Variants in CARHSP1 observed in about 807,000 individuals in gnomAD.
CARHSP1 encodes the protein calcium-regulated heat-stable protein 1.
In CARHSP1, 14 loss-of-function variants were observed where a neutral mutation model predicts 12.5. That is an observed-to-expected ratio of 1.12 (90% CI 0.74 to 1.75). The LOEUF (loss-of-function observed/expected upper bound fraction) is 1.75, where lower values mean the gene tolerates loss of function less well. Ranked by LOEUF, CARHSP1 falls within the 40% of genes most tolerant of loss-of-function variation. The pLI is 0.00. For synonymous variants in CARHSP1, 161 were observed against 82.0 expected, an observed-to-expected ratio of 1.96 and a Z score of -5.20; for missense variants, 343 against 201.6, an observed-to-expected ratio of 1.70 and a Z score of -4.25.
At chr16:8,859,599 CTG>C (rs1331221096) in intron 1 of CARHSP1, among the ~76,000 whole-genome samples, 2 of 151,922 alleles carry the variant, frequency 1.3e-5, no homozygotes, top group South Asian at 2.1e-4. Flanking sequence ...TCGGTCCCCT[CTG>C]TGTCCCCAGC....
rs749148207 is a variant in CARHSP1 at position 8,855,272 on chromosome 16, G to A, written c.336C>T (p.Cys112=). 4.0e-5 allele frequency: 64 copies of A among 1,612,878 alleles called. No homozygotes were observed. The highest frequency in any genetic ancestry group is 8.3e-5 in the Admixed American group (5 of 59,904). The change falls in exon 4 of 4, where the codon TGC becomes TGT. Residue 112 remains cysteine (C), a synonymous_variant. Coordinates refer to ENST00000311052, the MANE Select transcript of CARHSP1 (RefSeq NM_014316.4). ...VEGDEVTYKM[C]SIPPKNEKLQ... Reference sequence around the variant, plus strand: ...GCTTCTCATTCTTGGGTGGGATGGAGCACATTTTATAGGTGACCTCGTCGC... The same window carrying A: ...GCTTCTCATTCTTGGGTGGGATGGAACACATTTTATAGGTGACCTCGTCGC...
intron 3 of CARHSP1, 73 bp from the exon 4 acceptor site, chr16:8,855,399 CTTCTGGTCACACAGCCACCA>C (rs1225253506): frequency 8.3e-6 from 11 of 1,328,708 alleles, no homozygotes; most frequent in Non-Finnish European, 1.1e-5. Flanking sequence ...ACCAGCCACC[CTTCTGGTCACACAGCCACCA>C]AAGCAGGCAC....
chr16:8,855,128 C>G lies in CARHSP1; in HGVS notation c.*36G>C, dbSNP rs2061054889. The G allele has an allele frequency of 6.8e-7, 1 of 1,479,106 alleles. No homozygotes were observed. Among genetic ancestry groups the G allele is most frequent in the African/African-American group, 1.4e-5 (1 of 70,250 alleles). 91.6% of individuals were successfully genotyped at this position (1,479,106 alleles called of 1,614,324 possible). On this transcript the variant is annotated 3_prime_UTR_variant, in exon 4 of 4. Transcript: ENST00000311052. ...TGCTGCCTCCTCCCTGCAAAGTCTCCCACAAGCACAGGACAAGGGGTGCTT... is the reference window on the plus strand; with the variant it reads ...TGCTGCCTCCTCCCTGCAAAGTCTCGCACAAGCACAGGACAAGGGGTGCTT...
intron 1 of CARHSP1, among the ~76,000 whole-genome samples, chr16:8,862,729 A>G (rs951204150): frequency 1.3e-5 from 2 of 152,146 alleles, no homozygotes; most frequent in Non-Finnish European, 2.9e-5. Context: ...CAGTGGGGAA[A>G]CCATGTGATG....
At chr16:8,867,129 G>A (rs1057260785) in intron 1 of CARHSP1, 1 of 152,426 alleles carries the variant, frequency 6.6e-6, no homozygotes, top group African/African-American at 2.4e-5. Context: ...CCAGTTCTCA[G>A]CCTGGACTGC....
At position 8,859,184 on chromosome 16, in the gene CARHSP1, T is replaced by C; in HGVS notation, c.145A>G (p.Arg49Gly). The change falls in exon 2 of 4, where the codon AGG becomes GGG. Residue 49 changes from arginine (R) to glycine (G), a missense_variant. Arg to Gly is a moderately radical substitution (Grantham distance 125, BLOSUM62 -2). Coordinates refer to ENST00000311052, the MANE Select transcript of CARHSP1 (RefSeq NM_014316.4). Reference protein sequence around the residue: ...VPSPLPTRRTRTFSATVRASQ... With the variant: ...VPSPLPTRRTGTFSATVRASQ... The stretch of plus-strand genomic sequence containing the variant: ...CTCCAGACTCACGCCGAGAAGGTCC[T>C]CGTCCGGCGAGTGGGCAGTGGGCTT... 1 of 1,600,992 alleles carries C rather than the reference T, an allele frequency of 6.2e-7. No homozygotes were observed. Among genetic ancestry groups the C allele is most frequent in the East Asian group, 2.2e-5 (1 of 44,544 alleles).
intron 1 of CARHSP1, chr16:8,860,529 G>A (rs886193548): frequency 5.1e-6 from 5 of 985,252 alleles, no homozygotes; most frequent in South Asian, 4.7e-5. Context: ...GCAGTCAGAG[G>A]CCCTTGGGTA....
In CARHSP1 at chr16:8,857,759, ATTTT is replaced by A. The variant is rs71155409; in HGVS notation, c.281+587_281+590del. 28 of 116,456 alleles carry A rather than the reference ATTTT, an allele frequency of 2.4e-4. No individual in the cohort carries two copies. The South Asian group carries it at 2.7e-3, about 11-fold the overall frequency. The allele number at this position is 116,456 out of a possible 1,614,324, so 7.2% of individuals were successfully genotyped here. A position where few individuals can be genotyped will look rare whatever the true frequency, so the allele number is the denominator to read the frequency against. On this transcript the variant is annotated intron_variant, in intron 3 of 3. Transcript: ENST00000311052. ...CACCTGTCACCACGCCCTGCTCATT[ATTTT>A]TTTTTTTTTTTTTTTGAGATGGAGT...
chr16:8,860,725 T>TA (rs2061327922), intron 1 of CARHSP1, among the ~76,000 whole-genome samples: 1 of 152,096 alleles, frequency 6.6e-6, no homozygotes, highest in Non-Finnish European at 1.5e-5. Context: ...TGGATCGGTT[T>TA]GACTCAGGTC....
In CARHSP1 at chr16:8,854,247, T is replaced by G. The variant is rs2061026347; in HGVS notation, c.*917A>C. The G allele has an allele frequency of 1.3e-5, 2 of 152,208 alleles. No individual in the cohort carries two copies. Among genetic ancestry groups the G allele is most frequent in the Non-Finnish European group, 2.9e-5 (2 of 68,038 alleles). 9.4% of individuals were successfully genotyped at this position (152,208 alleles called of 1,614,324 possible). On this transcript the variant is annotated 3_prime_UTR_variant, in exon 4 of 4. Transcript: ENST00000311052. ...TCCAAAGGTATGTTTCTCCTTCAAC[T>G]TTCTTGACTTTGCCAGGCTGTCAGG...
In CARHSP1 at chr16:8,859,236, T is replaced by C; in HGVS notation, c.93A>G (p.Pro31=). 1 of 1,598,222 alleles carries C rather than the reference T, an allele frequency of 6.3e-7. No homozygotes were observed. Among genetic ancestry groups the C allele is most frequent in the South Asian group, 1.1e-5 (1 of 89,006 alleles). ...LDTPRSRERS[P]SPLRGNVVPS... ...GGACCACGTTGCCCCGCAGAGGGGA[T>C]GGTGAGCGCTCACGGCTCCGAGGGG... Residue 31 remains proline, a synonymous_variant, in exon 2 of 4, where the codon CCA becomes CCG. Coordinates refer to ENST00000311052, the MANE Select transcript of CARHSP1 (RefSeq NM_014316.4).
intron 1 of CARHSP1, chr16:8,860,482 C>T (rs2061317583): frequency 1.0e-5 from 10 of 985,236 alleles, no homozygotes; most frequent in African/African-American, 1.7e-5. Context: ...TCTAACGTGG[C>T]CTCAGCTCGA....
chr16:8,860,303 C>A, intron 1 of CARHSP1: 1 of 983,452 alleles, frequency 1.0e-6, no homozygotes. Flanking sequence ...CAGCCCGGGT[C>A]ACCACGCTGT....
intron 3 of CARHSP1, among the ~76,000 whole-genome samples, chr16:8,856,997 G>C (rs550760491): frequency 6.6e-6 from 1 of 152,304 alleles, no homozygotes; most frequent in East Asian, 1.9e-4. Flanking sequence ...CTGGAGCAAA[G>C]GGGCAGGACA....
rs558506791 is a variant in CARHSP1 at position 8,859,189 on chromosome 16, C to T, written c.140G>A (p.Arg47Gln). 2.4e-5 allele frequency: 38 copies of T among 1,601,200 alleles called. No individual in the cohort carries two copies. Among genetic ancestry groups the T allele is most frequent in the Middle Eastern group, 1.7e-4 (1 of 6,060 alleles). Residue 47 changes from arginine (R) to glutamine (Q), a missense_variant, in exon 2 of 4, where the codon CGG (arginine) becomes CAG (glutamine). Coordinates refer to ENST00000311052, the MANE Select transcript of CARHSP1 (RefSeq NM_014316.4). ...NVVPSPLPTRRTRTFSATVRA... is the reference protein window; with the variant it reads ...NVVPSPLPTRQTRTFSATVRA... ...GACTCACGCCGAGAAGGTCCTCGTCCGGCGAGTGGGCAGTGGGCTTGGGAC... is the reference window on the plus strand; with the variant it reads ...GACTCACGCCGAGAAGGTCCTCGTCTGGCGAGTGGGCAGTGGGCTTGGGAC...
intron 1 of CARHSP1, among the ~76,000 whole-genome samples, chr16:8,862,849 C>A (rs117794786): frequency 0.012 from 1,851 of 152,240 alleles, 23 homozygotes; most frequent in Non-Finnish European, 0.02. Context: ...CATCGTCGTC[C>A]TCCTTGCATC....
chr16:8,868,670 G>A (rs1233021574), intron 1 of CARHSP1: 1 of 151,980 alleles, frequency 6.6e-6, no homozygotes, highest in African/African-American at 2.4e-5. Context: ...AGCGGGGAGG[G>A]CGGGAAGAGC....
At chr16:8,858,746 C>G (rs780431082) in intron 2 of CARHSP1, 37 of 481,820 alleles carry the variant, frequency 7.7e-5, no homozygotes, top group Middle Eastern at 5.4e-4. Context: ...GAACATCCCT[C>G]CAGAAACTAA....
rs1362728104 is a variant in CARHSP1, at chr16:8,855,040, C to A, written c.*124G>T. 5 of 629,086 alleles carry A rather than the reference C, an allele frequency of 7.9e-6. No individual in the cohort carries two copies. Among genetic ancestry groups the A allele is most frequent in the Admixed American group, 7.8e-5 (2 of 25,598 alleles). The allele number at this position is 629,086 out of a possible 1,614,324, so 39.0% of individuals were successfully genotyped here. A position where few individuals can be genotyped will look rare whatever the true frequency, so the allele number is the denominator to read the frequency against. On this transcript the variant is annotated 3_prime_UTR_variant, in exon 4 of 4. Transcript: ENST00000311052. ...CCCATACCCCTTCCTCCAGGAGATA[C>A]TTGAGAGGGACCATGCCCGGCTGAA...
Sources: allele counts gnomAD v4.1 joint callset (sites outside exome capture counted in the v4.1 genomes callset), GRCh38; gene constraint gnomAD v4.1.1; transcripts MANE v1.5; gene names NCBI Gene and HGNC (gene_info 2026-07-23, HGNC 2026-07-21).